Variants in ARHGAP10 observed in about 807,000 individuals in gnomAD.
The protein encoded by ARHGAP10 is rho GTPase-activating protein 10.
ARHGAP10 carries 87 observed loss-of-function variants against 108.6 expected under a neutral mutation model. The observed-to-expected ratio is 0.80, with a 90% confidence interval of 0.67 to 0.96. The LOEUF is 0.96. Among genes scored for constraint, ARHGAP10 ranks in the 40% least tolerant of loss-of-function variants. The pLI is 0.00. For synonymous variants in ARHGAP10, 347 were observed against 341.1 expected (o/e 1.02, Z -0.19); for missense variants, 939 against 954.5 (o/e 0.98, Z 0.21).
At chr4:148,025,789 T>A (rs1477230340) in intron 19 of ARHGAP10, among the ~76,000 whole-genome samples, 1 of 152,170 alleles carries the variant, frequency 6.6e-6, no homozygotes, top group Non-Finnish European at 1.5e-5. Flanking sequence ...GACTTGAAGG[T>A]TTCAAAAAGT....
intron 1 of ARHGAP10, among the ~76,000 whole-genome samples, chr4:147,805,300 T>C (rs1731738766): frequency 6.6e-6 from 1 of 152,244 alleles, no homozygotes; most frequent in African/African-American, 2.4e-5. Flanking sequence ...TGAGGCTTTA[T>C]TTCTGGGCTC....
chr4:147,829,819 T>G (rs1732874682), intron 3 of ARHGAP10, among the ~76,000 whole-genome samples: 1 of 152,234 alleles, frequency 6.6e-6, no homozygotes, highest in Non-Finnish European at 1.5e-5. Flanking sequence ...CATGTATTCT[T>G]TTATCAGATC....
At chr4:148,006,636 T>C (rs1740962987) in intron 18 of ARHGAP10, among the ~76,000 whole-genome samples, 1 of 152,202 alleles carries the variant, frequency 6.6e-6, no homozygotes, top group African/African-American at 2.4e-5. Context: ...TTGACTTACT[T>C]CCTATTGACT....
At chr4:147,811,085 G>A (rs1731997693) in intron 1 of ARHGAP10, among the ~76,000 whole-genome samples, 1 of 152,128 alleles carries the variant, frequency 6.6e-6, no homozygotes, top group Non-Finnish European at 1.5e-5. Context: ...CTTAGATCAA[G>A]CCTGGCTTCC....
chr4:147,804,777 A>C (rs913814891), intron 1 of ARHGAP10, among the ~76,000 whole-genome samples: 1 of 151,964 alleles, frequency 6.6e-6, no homozygotes, highest in Non-Finnish European at 1.5e-5. Flanking sequence ...GGCCACATGT[A>C]TGTCGTCTTT....
rs1737232132 is a variant in ARHGAP10, at chr4:147,921,537, A to G, written c.1228+8398A>G. On this transcript the variant is annotated intron_variant, in intron 13 of 22. Transcript: ENST00000336498. ...TATGAAGGCTCTGGGTCATGGTGCC[A>G]TATAGCATTTGGGATAATGACAGAG... Among the ~76,000 whole-genome samples, 4 of 151,806 alleles carry G rather than the reference A, an allele frequency of 2.6e-5. No individual in the cohort carries two copies. The South Asian group carries it at 6.2e-4, about 24-fold the overall frequency.
In ARHGAP10 at chr4:147,861,158, C is replaced by T. The variant is rs376743706; in HGVS notation, c.486+3504C>T. On this transcript the variant is annotated intron_variant, in intron 5 of 22. Transcript: ENST00000336498. ...GCCAGGCACGGAGTGGCGAGGAGTT[C>T]GTGAGTGAGTTCAGGGTCATCCGGC... 1.5e-4 allele frequency: 23 copies of T among 152,428 alleles called. 1 individual carries two copies. The highest frequency in any genetic ancestry group is 5.5e-4 in the African/African-American group (23 of 41,568). 9.4% of individuals were successfully genotyped at this position (152,428 alleles called of 1,614,324 possible).
intron 1 of ARHGAP10, among the ~76,000 whole-genome samples, chr4:147,786,746 C>T (rs547162470): frequency 6.6e-6 from 1 of 152,286 alleles, no homozygotes; most frequent in South Asian, 2.1e-4. Context: ...TATCTTGAAC[C>T]TGTAAGACCT....
rs1035316074 is a variant in ARHGAP10 at position 147,798,088 on chromosome 4, C to T, written c.155-24639C>T. Among the ~76,000 whole-genome samples the T allele has an allele frequency of 4.6e-5, 7 of 151,982 alleles. 1 individual carries two copies. Among genetic ancestry groups the T allele is most frequent in the Admixed American group, 4.6e-4 (7 of 15,278 alleles). On this transcript the variant is annotated intron_variant, in intron 1 of 22. Coordinates refer to ENST00000336498, the MANE Select transcript of ARHGAP10 (RefSeq NM_024605.4). ...CAGATGAATAGTTCCTCCCTGTACT[C>T]TCCTGTAAACATACTTTTTGCTTTT...
At chr4:147,906,318 A>C (rs1044105447) in intron 10 of ARHGAP10, among the ~76,000 whole-genome samples, 1 of 152,220 alleles carries the variant, frequency 6.6e-6, no homozygotes, top group East Asian at 1.9e-4. Flanking sequence ...GGATAAGAAA[A>C]ATGTGGTATA....
At chr4:147,865,005 A>T (rs1387293442) in intron 6 of ARHGAP10, 49 bp downstream of exon 6, 1 of 1,483,534 alleles carries the variant, frequency 6.7e-7, no homozygotes, top group Non-Finnish European at 9.4e-7. Context: ...ATGTAAGATA[A>T]GTATTTATTT....
chr4:147,913,743 A>G (rs1349099569), intron 13 of ARHGAP10, among the ~76,000 whole-genome samples: 2 of 152,212 alleles, frequency 1.3e-5, no homozygotes, highest in Non-Finnish European at 2.9e-5. Context: ...GATACAGTTC[A>G]GCCCATAAGA....
At chr4:147,737,976 G>C (rs1289119685) in intron 1 of ARHGAP10, among the ~76,000 whole-genome samples, 2 of 150,834 alleles carry the variant, frequency 1.3e-5, no homozygotes, top group Non-Finnish European at 2.9e-5. Context: ...CCTCCCATCT[G>C]CTGGGGTTCC....
At chr4:148,059,180 C>G (rs1447426474) in intron 20 of ARHGAP10, among the ~76,000 whole-genome samples, 1 of 152,190 alleles carries the variant, frequency 6.6e-6, no homozygotes. Flanking sequence ...TTAGGAGATG[C>G]CTTTTGCAGT....
intron 1 of ARHGAP10, among the ~76,000 whole-genome samples, chr4:147,764,319 A>G (rs1046505032): frequency 8.6e-5 from 13 of 152,032 alleles, no homozygotes; most frequent in African/African-American, 3.1e-4. Flanking sequence ...GAGATAGGTG[A>G]GGCTGGAGAC....
chr4:147,793,928 T>G (rs1731219667), intron 1 of ARHGAP10, among the ~76,000 whole-genome samples: 1 of 152,174 alleles, frequency 6.6e-6, no homozygotes, highest in South Asian at 2.1e-4. Context: ...AAAAATAAAG[T>G]GTAGAAGGGA....
At chr4:147,890,242 T>A (rs1173419162) in intron 10 of ARHGAP10, among the ~76,000 whole-genome samples, 1 of 152,208 alleles carries the variant, frequency 6.6e-6, no homozygotes, top group Admixed American at 6.5e-5. Flanking sequence ...TGAGAACCAA[T>A]GGGAGAATGG....
chr4:147,893,353 C>T lies in ARHGAP10; in HGVS notation c.1034+11421C>T, dbSNP rs145249842. Among the ~76,000 whole-genome samples the T allele has an allele frequency of 5.0e-3, 752 of 151,338 alleles. 5 individuals carry two copies. Among genetic ancestry groups the T allele is most frequent in the African/African-American group, 0.017 (699 of 41,328 alleles). On this transcript the variant is annotated intron_variant, in intron 10 of 22. Transcript: ENST00000336498. Reference sequence around the variant, plus strand: ...GATTACAGACGTGAGCCACTGCTCCCGGCAGGAAGTAAACTTTTTAAATGT... The same window carrying T: ...GATTACAGACGTGAGCCACTGCTCCTGGCAGGAAGTAAACTTTTTAAATGT...
intron 7 of ARHGAP10, among the ~76,000 whole-genome samples, chr4:147,870,913 T>C (rs1363806217): frequency 6.6e-6 from 1 of 150,528 alleles, no homozygotes; most frequent in Non-Finnish European, 1.5e-5. Flanking sequence ...GAAAGTAGAA[T>C]ACCAAAACTA....
Sources: gnomAD v4.1 joint callset for allele counts (sites outside exome capture counted in the v4.1 genomes callset) on GRCh38, gnomAD v4.1.1 for gene constraint, MANE v1.5 for transcripts, NCBI Gene and HGNC (gene_info 2026-07-23, HGNC 2026-07-21) for gene names.